Variants in CDH13 observed in about 807,000 individuals in gnomAD.
CDH13 encodes cadherin-13.
CDH13 carries 24 observed loss-of-function variants against 63.8 expected under a neutral mutation model. The observed-to-expected ratio is 0.38, with a 90% CI of 0.27 to 0.53. CDH13 has a LOEUF of 0.53. Ranked by LOEUF, CDH13 falls within the 20% of genes least tolerant of loss-of-function variation. The pLI is 0.85. For synonymous variants in CDH13, 503 were observed against 355.3 expected, an observed-to-expected ratio of 1.42 and a Z score of -4.67; for missense variants, 1,049 against 903.1, an observed-to-expected ratio of 1.16 and a Z score of -2.07.
intron 5 of CDH13, among the ~76,000 whole-genome samples, chr16:83,294,916 T>G (rs139552981): frequency 0.018 from 2,682 of 152,160 alleles, 32 homozygotes; most frequent in Non-Finnish European, 0.029. Context: ...AGACCATGGA[T>G]AGCCAAAGTA....
chr16:82,677,494 C>G lies in CDH13; in HGVS notation c.45+50357C>G, dbSNP rs531509094. 4.1e-5 allele frequency among the ~76,000 whole-genome samples: 6 copies of G among 145,810 alleles called. No individual in the cohort carries two copies. The South Asian group carries it at 1.3e-3, about 32-fold the overall frequency. On this transcript the variant is annotated intron_variant, in intron 1 of 13. Transcript: ENST00000567109. ...TTAACTCATTATGAAATCCCCACTG[C>G]TGAGCACAATGCTGAACACCTTTGA...
chr16:83,005,505 T>C (rs750827616), intron 2 of CDH13, among the ~76,000 whole-genome samples: 9 of 152,140 alleles, frequency 5.9e-5, no homozygotes, highest in African/African-American at 9.7e-5. Context: ...CCTCAGGCCT[T>C]CAGATGCCCA....
At chr16:83,181,145 C>T (rs2038337873) in intron 4 of CDH13, 2 of 799,594 alleles carry the variant, frequency 2.5e-6, no homozygotes, top group Non-Finnish European at 3.7e-6. Context: ...GACAGAGAGT[C>T]AGAAGTCATC....
At chr16:83,426,541 A>T (rs1022521974) in intron 6 of CDH13, among the ~76,000 whole-genome samples, 1 of 134,058 alleles carries the variant, frequency 7.5e-6, no homozygotes, top group Non-Finnish European at 1.6e-5. Flanking sequence ...ACACACACAC[A>T]CACTCATGTG....
At chr16:82,783,221 G>A (rs1420349858) in intron 1 of CDH13, among the ~76,000 whole-genome samples, 2 of 152,106 alleles carry the variant, frequency 1.3e-5, no homozygotes, top group African/African-American at 2.4e-5. Context: ...TCCCCTTCAG[G>A]GCCAAAGACC....
At chr16:82,979,693 C>G (rs1910003764) in intron 2 of CDH13, among the ~76,000 whole-genome samples, 1 of 152,182 alleles carries the variant, frequency 6.6e-6, no homozygotes, top group African/African-American at 2.4e-5. Flanking sequence ...ATAAATTACC[C>G]AGTCTTAGGT....
chr16:82,813,060 G>C (rs1768496168), intron 1 of CDH13, among the ~76,000 whole-genome samples: 1 of 152,170 alleles, frequency 6.6e-6, no homozygotes, highest in Non-Finnish European at 1.5e-5. Flanking sequence ...AAAGGTAGTT[G>C]TTTATTGCCC....
In CDH13 at chr16:82,970,478, C is replaced by T. The variant is rs1242496226; in HGVS notation, c.158-61532C>T. ...GCAGTGGCGCAATCTCGGCTCACTG[C>T]AAGCTCCACTTCCCGGGTTCACGCC... On this transcript the variant is annotated intron_variant, in intron 2 of 13. Coordinates refer to ENST00000567109, the MANE Select transcript of CDH13 (RefSeq NM_001257.5). 1.3e-4 allele frequency among the ~76,000 whole-genome samples: 18 copies of T among 137,464 alleles called. 1 individual carries two copies. Among genetic ancestry groups the T allele is most frequent in the African/African-American group, 4.8e-4 (18 of 37,636 alleles). The allele number at this position is 137,464 out of a possible 152,430, so 90.2% of individuals were successfully genotyped here. A position where few individuals can be genotyped will look rare whatever the true frequency, so the allele number is the denominator to read the frequency against.
At chr16:83,630,458 T>C (rs1910676119) in intron 8 of CDH13, among the ~76,000 whole-genome samples, 1 of 152,176 alleles carries the variant, frequency 6.6e-6, no homozygotes, top group Admixed American at 6.5e-5. Flanking sequence ...GTAAGATGTA[T>C]ATTGGTTCAG....
intron 5 of CDH13, among the ~76,000 whole-genome samples, chr16:83,287,614 T>TA (rs2089351872): frequency 6.6e-6 from 1 of 152,202 alleles, no homozygotes; most frequent in South Asian, 2.1e-4. Flanking sequence ...TGGGTCCCTC[T>TA]AGTTGCAGGA....
intron 6 of CDH13, among the ~76,000 whole-genome samples, chr16:83,421,111 A>G (rs1265686391): frequency 6.6e-6 from 1 of 152,204 alleles, no homozygotes; most frequent in Non-Finnish European, 1.5e-5. Flanking sequence ...GATGAGAACA[A>G]GGGCTACATC....
rs1907945436 is a variant in CDH13 at position 83,602,500 on chromosome 16, T to C, written c.1007T>C (p.Met336Thr). ...GAACTGATCATCGAGGCTCAAGATATGGCTGGACTGGATGTTGGATTAACA... is the reference window on the plus strand; with the variant it reads ...GAACTGATCATCGAGGCTCAAGATACGGCTGGACTGGATGTTGGATTAACA... ...KYELIIEAQD[M>T]AGLDVGLTGT... Residue 336 changes from methionine (M) to threonine (T), a missense_variant, in exon 8 of 14, where the codon ATG becomes ACG. Transcript: ENST00000567109. 2 of 1,613,994 alleles carry C rather than the reference T, an allele frequency of 1.2e-6. No individual in the cohort carries two copies. Among genetic ancestry groups the C allele is most frequent in the East Asian group, 4.5e-5 (2 of 44,886 alleles).
chr16:83,000,423 T>C (rs777828734), intron 2 of CDH13, among the ~76,000 whole-genome samples: 2 of 150,612 alleles, frequency 1.3e-5, no homozygotes, highest in Non-Finnish European at 3.0e-5. Context: ...TAATTTTTTG[T>C]ATTTGTCGTA....
Position 83,388,367 on chromosome 16 carries a change from C to G in CDH13, c.781+43361C>G, listed in dbSNP as rs117843349. On this transcript the variant is annotated intron_variant, in intron 6 of 13. Coordinates refer to ENST00000567109, the MANE Select transcript of CDH13 (RefSeq NM_001257.5). ...ACTTGGGAGGCTGAGGTGGGAGGAT[C>G]GCTTGGGCCCAGAAAGTCGAGGCTA... Among the ~76,000 whole-genome samples the G allele has an allele frequency of 9.3e-3, 1,415 of 151,738 alleles. 21 individuals are homozygous for G. Among genetic ancestry groups the G allele is most frequent in the East Asian group, 0.071 (364 of 5,142 alleles).
intron 4 of CDH13, among the ~76,000 whole-genome samples, chr16:83,187,799 G>A (rs754017436): frequency 1.3e-5 from 2 of 152,160 alleles, no homozygotes; most frequent in Non-Finnish European, 2.9e-5. Context: ...TACATGGTGT[G>A]TCAGTTGCTA....
chr16:82,901,443 T>A (rs1189171349), intron 2 of CDH13, among the ~76,000 whole-genome samples: 1 of 150,962 alleles, frequency 6.6e-6, no homozygotes, highest in Non-Finnish European at 1.5e-5. Flanking sequence ...CTAGGAGACC[T>A]GACAAAGATG....
At chr16:82,812,562 G>T (rs910465199) in intron 1 of CDH13, among the ~76,000 whole-genome samples, 1 of 152,096 alleles carries the variant, frequency 6.6e-6, no homozygotes, top group Non-Finnish European at 1.5e-5. Context: ...GAAACTCAAA[G>T]TCGCAAGAGA....
chr16:82,969,647 T>C (rs1672484925), intron 2 of CDH13, among the ~76,000 whole-genome samples: 1 of 152,156 alleles, frequency 6.6e-6, no homozygotes, highest in Non-Finnish European at 1.5e-5. Context: ...GCCTGGCCTC[T>C]ACACACTGGA....
At chr16:83,512,525 A>T (rs1040108936) in intron 7 of CDH13, among the ~76,000 whole-genome samples, 2 of 150,796 alleles carry the variant, frequency 1.3e-5, no homozygotes, top group African/African-American at 2.4e-5. Flanking sequence ...AAAATTAGCC[A>T]GGTGTGGTGG....
Sources: gnomAD v4.1 joint callset for allele counts (sites outside exome capture counted in the v4.1 genomes callset) on GRCh38, gnomAD v4.1.1 for gene constraint, MANE v1.5 for transcripts, NCBI Gene and HGNC (gene_info 2026-07-23, HGNC 2026-07-21) for gene names.